Variants in RP1 observed in about 807,000 individuals in gnomAD.
RP1 encodes RP1 axonemal microtubule associated.
RP1 carries 16 observed loss-of-function variants against 14.8 expected under a neutral mutation model. That is an observed-to-expected ratio of 1.08 (90% confidence interval 0.73 to 1.65). The LOEUF (loss-of-function observed/expected upper bound fraction) is 1.65. Ranked by LOEUF, RP1 falls within the 40% of genes most tolerant of loss-of-function variation. RP1 has a pLI of 0.00. For missense variants in RP1, 2,631 were observed against 2,535.0 expected (o/e 1.04, Z -0.81); for synonymous variants, 876 against 883.6 (o/e 0.99, Z 0.15).
In RP1 at chr8:54,628,462, T is replaced by C; in HGVS notation, c.4580T>C (p.Ile1527Thr). The change falls in exon 4 of 4, where the codon ATA (isoleucine) becomes ACA (threonine). Residue 1527 changes from isoleucine (I) to threonine (T), a missense_variant. Coordinates refer to ENST00000220676, the MANE Select transcript of RP1 (RefSeq NM_006269.2). ...AGAATGAACGGTATAATTTATGAAA[T>C]AATCAGTAAGAGGCTGGCAACACCA... The part of the protein sequence containing the change: ...EKRMNGIIYE[I>T]ISKRLATPPS... 1 of 1,613,430 alleles carries C rather than the reference T, an allele frequency of 6.2e-7. No individual in the cohort carries two copies. The highest frequency in any genetic ancestry group is 1.1e-5 in the South Asian group (1 of 90,976).
intron 6 of RP1, among the ~76,000 whole-genome samples, chr8:54,662,891 G>C (rs967736889): frequency 1.3e-5 from 2 of 152,170 alleles, no homozygotes; most frequent in East Asian, 3.9e-4. Flanking sequence ...AGACTGGATG[G>C]TGTGGGTTAC....
intron 1 of RP1, among the ~76,000 whole-genome samples, chr8:54,582,937 A>T (rs1479532513): frequency 6.6e-6 from 1 of 152,236 alleles, no homozygotes; most frequent in Non-Finnish European, 1.5e-5. Context: ...CAATCATGTC[A>T]TCTGGAAACA....
chr8:54,846,697 C>A (rs1811927804), intron 25 of RP1, among the ~76,000 whole-genome samples: 1 of 151,852 alleles, frequency 6.6e-6, no homozygotes, highest in Non-Finnish European at 1.5e-5. Context: ...ATTCAATATA[C>A]TTTCTTCTCA....
downstream of RP1, among the ~76,000 whole-genome samples, chr8:54,772,960 C>T (rs958247748): frequency 1.3e-5 from 2 of 152,112 alleles, no homozygotes; most frequent in African/African-American, 4.8e-5. Context: ...TTTCATATTA[C>T]TCTTTTCTCA....
At chr8:54,665,494 G>T (rs1250517824) in intron 7 of RP1, among the ~76,000 whole-genome samples, 1 of 152,180 alleles carries the variant, frequency 6.6e-6, no homozygotes, top group Non-Finnish European at 1.5e-5. Context: ...TTGAGAAGCA[G>T]CTGGAAAAGA....
chr8:54,624,455 A>AG (rs1423949437), intron 3 of RP1, among the ~76,000 whole-genome samples: 11 of 150,762 alleles, frequency 7.3e-5, no homozygotes, highest in African/African-American at 2.7e-4. Flanking sequence ...AAAAAAAAAA[A>AG]AAAAAAAAAA....
chr8:54,563,542 G>GT (rs1804332808), intron 1 of RP1, among the ~76,000 whole-genome samples: 4 of 151,264 alleles, frequency 2.6e-5, no homozygotes, highest in African/African-American at 9.7e-5. Flanking sequence ...GTGTGTGTGT[G>GT]GTTTTTTTGT....
At chr8:54,761,676 C>T (rs1391278782) in intron 22 of RP1, among the ~76,000 whole-genome samples, 1 of 151,822 alleles carries the variant, frequency 6.6e-6, no homozygotes, top group Non-Finnish European at 1.5e-5. Context: ...TTGAACAATC[C>T]CAAATAATGT....
chr8:54,585,465 A>G (rs1260212265), intron 1 of RP1, among the ~76,000 whole-genome samples: 1 of 152,058 alleles, frequency 6.6e-6, no homozygotes, highest in Admixed American at 6.6e-5. Flanking sequence ...GAATCTGACA[A>G]TTATGTGTCT....
chr8:54,771,617 T>G (rs1228098374), downstream of RP1, among the ~76,000 whole-genome samples: 1 of 152,092 alleles, frequency 6.6e-6, no homozygotes, highest in Non-Finnish European at 1.5e-5. Context: ...ATATTTTTTA[T>G]AGTTCAAAAG....
chr8:54,669,794 G>A lies in RP1; in HGVS notation c.1324-4056G>A, dbSNP rs62158137. On this transcript the variant is annotated intron_variant, in intron 7 of 22. Coordinates refer to the RP1 transcript ENST00000636932. The stretch of plus-strand genomic sequence containing the variant: ...TCACAAGGACAGAAAACCAAACACC[G>A]CATGTTCTCACTCATAGGTGGGAAC... 2.1e-4 allele frequency among the ~76,000 whole-genome samples: 31 copies of A among 150,192 alleles called. No homozygotes were observed. In the East Asian group the frequency reaches 3.0e-3, roughly 15 times the overall value.
intron 1 of RP1, among the ~76,000 whole-genome samples, chr8:54,573,721 A>G (rs1804581936): frequency 1.3e-5 from 2 of 152,216 alleles, no homozygotes; most frequent in Admixed American, 1.3e-4. Context: ...TTTTTATCCC[A>G]ACATTTTATA....
At chr8:54,856,470 A>G (rs538758360) in intron 26 of RP1, among the ~76,000 whole-genome samples, 8 of 152,336 alleles carry the variant, frequency 5.3e-5, no homozygotes, top group African/African-American at 1.9e-4. Context: ...ATTTCAATAC[A>G]TAGTTTATTT....
chr8:54,666,426 T>A (rs899930191), intron 7 of RP1, among the ~76,000 whole-genome samples: 7 of 152,138 alleles, frequency 4.6e-5, no homozygotes, highest in African/African-American at 1.7e-4. Flanking sequence ...CAGGGACTTC[T>A]CAAATGCTGA....
At chr8:54,701,355 T>C in intron 13 of RP1, 2 of 741,602 alleles carry the variant, frequency 2.7e-6, no homozygotes, top group Non-Finnish European at 3.8e-6. Flanking sequence ...AATTTCAAAA[T>C]CATGAGATTT....
At chr8:54,780,720 T>C (rs1198679550) in intron 23 of RP1, among the ~76,000 whole-genome samples, 1 of 152,210 alleles carries the variant, frequency 6.6e-6, no homozygotes, top group Non-Finnish European at 1.5e-5. Context: ...CAAAAGGATG[T>C]GTGTATGTTA....
intron 14 of RP1, among the ~76,000 whole-genome samples, chr8:54,705,167 G>A (rs966647478): frequency 2.0e-5 from 3 of 152,022 alleles, no homozygotes; most frequent in African/African-American, 7.2e-5. Flanking sequence ...GGGGGACCCC[G>A]AGACCACTAT....
chr8:54,571,787 G>C (rs1328150662), intron 1 of RP1, among the ~76,000 whole-genome samples: 2 of 152,146 alleles, frequency 1.3e-5, no homozygotes, highest in Non-Finnish European at 2.9e-5. Flanking sequence ...GCTCCTGGTG[G>C]TTTGCTGGCC....
At chr8:54,562,313 A>T (rs1804302819) in intron 1 of RP1, among the ~76,000 whole-genome samples, 1 of 152,252 alleles carries the variant, frequency 6.6e-6, no homozygotes, top group Non-Finnish European at 1.5e-5. Context: ...ATCTGAAGCT[A>T]TTTAACATTT....
Sources: gnomAD v4.1 joint callset for allele counts (sites outside exome capture counted in the v4.1 genomes callset) on GRCh38, gnomAD v4.1.1 for gene constraint, MANE v1.5 for transcripts, NCBI Gene and HGNC (gene_info 2026-07-23, HGNC 2026-07-21) for gene names.